VSNL1: variants seen among roughly 807,000 people sequenced by gnomAD.
The protein encoded by VSNL1 is visinin like 1.
VSNL1 carries 6 observed loss-of-function variants against 20.4 expected under a neutral mutation model. That is an observed-to-expected ratio of 0.29 (90% CI 0.16 to 0.58). The LOEUF (loss-of-function observed/expected upper bound fraction) is 0.58. Among genes scored for constraint, VSNL1 ranks in the 20% least tolerant of loss-of-function variants. The pLI, the probability that VSNL1 is intolerant of heterozygous loss-of-function variation, is 0.90. For synonymous variants in VSNL1, 93 were observed against 86.4 expected, an observed-to-expected ratio of 1.08 and a Z score of -0.42; for missense variants, 100 against 234.5, an observed-to-expected ratio of 0.43 and a Z score of 3.75.
At chr2:17,645,295 T>A (rs1419484501) in intron 2 of VSNL1, among the ~76,000 whole-genome samples, 3 of 152,246 alleles carry the variant, frequency 2.0e-5, no homozygotes, top group Admixed American at 6.5e-5. Context: ...AAGGCCTTGC[T>A]TGTGCCCACC....
At chr2:17,569,588 T>C (rs1414455595) in intron 1 of VSNL1, among the ~76,000 whole-genome samples, 1 of 152,144 alleles carries the variant, frequency 6.6e-6, no homozygotes, top group Non-Finnish European at 1.5e-5. Flanking sequence ...GTCTCTTCCA[T>C]ATTTTTCATC....
chr2:17,628,384 G>A (rs1284331787), intron 2 of VSNL1, among the ~76,000 whole-genome samples: 1 of 151,636 alleles, frequency 6.6e-6, no homozygotes, highest in Admixed American at 6.6e-5. Context: ...CATGATAAAA[G>A]CTCAGGACCT....
chr2:17,603,024 C>A (rs369612597), intron 2 of VSNL1, among the ~76,000 whole-genome samples: 3 of 152,136 alleles, frequency 2.0e-5, no homozygotes, highest in African/African-American at 7.2e-5. Flanking sequence ...TTTGCCCCAA[C>A]ATAGGTGCAG....
rs761358838 is a variant in VSNL1, at chr2:17,649,648, C to A, written c.378+23C>A. 3 of 1,612,148 alleles carry A rather than the reference C, an allele frequency of 1.9e-6. No homozygotes were observed. The highest frequency in any genetic ancestry group is 1.1e-5 in the South Asian group (1 of 90,918). On this transcript the variant is annotated intron_variant, in intron 3 of 3. Transcript: ENST00000295156. The surrounding 1 kb of genome is among the most constrained non-coding windows in gnomAD (Gnocchi z 6.4). ...GAGGTGAGGCCCGGGGTGTGGTTGG[C>A]GGGTGGTGGGCACAGAAGGAGACCC...
chr2:17,560,456 G>A (rs1355023309), intron 1 of VSNL1, among the ~76,000 whole-genome samples: 1 of 151,978 alleles, frequency 6.6e-6, no homozygotes, highest in Non-Finnish European at 1.5e-5. Flanking sequence ...ATTCACAAAG[G>A]TATTTCATTG....
intron 2 of VSNL1, among the ~76,000 whole-genome samples, chr2:17,605,006 C>T (rs1344181449): frequency 1.3e-5 from 2 of 152,156 alleles, no homozygotes; most frequent in African/African-American, 4.8e-5. Context: ...TGGAGTAAGA[C>T]ACAGGGTTCT....
chr2:17,541,793 C>T (rs949666758), intron 1 of VSNL1: 1 of 152,186 alleles, frequency 6.6e-6, no homozygotes, highest in African/African-American at 2.4e-5. Context: ...CAAGGTCAAA[C>T]CCCGGGTGGA....
At chr2:17,555,324 C>A (rs1018533835) in intron 1 of VSNL1, among the ~76,000 whole-genome samples, 1 of 152,060 alleles carries the variant, frequency 6.6e-6, no homozygotes, top group Non-Finnish European at 1.5e-5. Flanking sequence ...CTGCAATTGC[C>A]CAAAAGTCCA....
chr2:17,638,057 A>T (rs766678608), intron 2 of VSNL1, among the ~76,000 whole-genome samples: 14 of 152,238 alleles, frequency 9.2e-5, no homozygotes, highest in Non-Finnish European at 1.9e-4. Flanking sequence ...ATGCATGCAG[A>T]TGTGATACTA....
At chr2:17,604,990 T>C (rs6738866) in intron 2 of VSNL1, among the ~76,000 whole-genome samples, 145,747 of 152,286 alleles carry the variant, frequency 0.96, 69,791 homozygotes, top group East Asian at 1. Flanking sequence ...GTGGAGAGAG[T>C]AGCCCTGGAG....
intron 1 of VSNL1, among the ~76,000 whole-genome samples, chr2:17,553,740 A>C (rs1385612486): frequency 6.6e-6 from 1 of 152,252 alleles, no homozygotes; most frequent in East Asian, 1.9e-4. Context: ...TTTGAGCCCC[A>C]GTCTTATTTG....
intron 3 of VSNL1, among the ~76,000 whole-genome samples, chr2:17,650,793 G>A (rs1045309681): frequency 9.9e-5 from 15 of 152,280 alleles, no homozygotes; most frequent in African/African-American, 1.7e-4. Context: ...AGCTGGCCTC[G>A]TTCACTTGCA....
At chr2:17,651,068 C>A (rs1376156778) in intron 3 of VSNL1, among the ~76,000 whole-genome samples, 1 of 152,200 alleles carries the variant, frequency 6.6e-6, no homozygotes, top group Non-Finnish European at 1.5e-5. Flanking sequence ...TTGGCTCCCT[C>A]CAAGGTCTCT....
chr2:17,642,530 G>A lies in VSNL1; in HGVS notation c.163-6880G>A, dbSNP rs186354121. ...TCACCGTGTTAGCCAGGATGGTCTC[G>A]ATCTCTTGACCTTGTGATCTGCCCG... On this transcript the variant is annotated intron_variant, in intron 2 of 3. Coordinates refer to ENST00000295156, the MANE Select transcript of VSNL1 (RefSeq NM_003385.5). 4.3e-3 allele frequency among the ~76,000 whole-genome samples: 653 copies of A among 151,816 alleles called. 7 individuals are homozygous for A. Among genetic ancestry groups the A allele is most frequent in the African/African-American group, 0.015 (603 of 41,240 alleles).
At chr2:17,597,406 C>G (rs1664734872) in intron 2 of VSNL1, among the ~76,000 whole-genome samples, 1 of 152,168 alleles carries the variant, frequency 6.6e-6, no homozygotes, top group Non-Finnish European at 1.5e-5. Context: ...TCAGAGGCCA[C>G]TGAGTACCCA....
At chr2:17,567,106 G>C (rs1239132131) in intron 1 of VSNL1, among the ~76,000 whole-genome samples, 1 of 151,924 alleles carries the variant, frequency 6.6e-6, no homozygotes, top group Admixed American at 6.6e-5. Flanking sequence ...TTTTCATTTG[G>C]TTAAACTTCA....
At chr2:17,571,866 G>GT (rs1282452694) in intron 1 of VSNL1, among the ~76,000 whole-genome samples, 1 of 152,248 alleles carries the variant, frequency 6.6e-6, no homozygotes, top group Non-Finnish European at 1.5e-5. Flanking sequence ...CATTTGAGCA[G>GT]TGATCTGACT....
At chr2:17,621,136 T>C (rs1665344977) in intron 2 of VSNL1, among the ~76,000 whole-genome samples, 1 of 152,188 alleles carries the variant, frequency 6.6e-6, no homozygotes, top group South Asian at 2.1e-4. Context: ...GCATATCACT[T>C]AACAGGGAAT....
At chr2:17,575,684 C>T (rs944900335) in intron 1 of VSNL1, among the ~76,000 whole-genome samples, 7 of 151,982 alleles carry the variant, frequency 4.6e-5, no homozygotes, top group Non-Finnish European at 1.0e-4. Context: ...TAGAGGCATG[C>T]GCCACCATGC....
Sources: gnomAD v4.1 joint callset for allele counts (sites outside exome capture counted in the v4.1 genomes callset) on GRCh38, gnomAD v4.1.1 for gene constraint, Gnocchi (gnomAD v3.1) non-coding constraint, MANE v1.5 for transcripts, NCBI Gene and HGNC (gene_info 2026-07-23, HGNC 2026-07-21) for gene names.